The following CDK6 variants were observed in gnomAD, a reference collection of about 807,000 sequenced individuals.
The protein encoded by CDK6 is cyclin dependent kinase 6, also known as cyclin-dependent kinase 6.
Under a neutral mutation model 37.1 loss-of-function variants are expected in CDK6, and 6 were observed. The observed-to-expected ratio is 0.16, with a 90% CI of 0.09 to 0.32. CDK6 has a LOEUF of 0.32. Among genes scored for constraint, CDK6 ranks in the 10% least tolerant of loss-of-function variants. The pLI, the probability that CDK6 is intolerant of heterozygous loss-of-function variation, is 1.00. For missense variants in CDK6, 224 were observed against 418.9 expected, an observed-to-expected ratio of 0.53 and a Z score of 4.06; for synonymous variants, 160 against 161.3, an observed-to-expected ratio of 0.99 and a Z score of 0.06.
intron 4 of CDK6, among the ~76,000 whole-genome samples, chr7:92,712,524 A>G (rs1272203486): frequency 6.6e-6 from 1 of 152,240 alleles, no homozygotes; most frequent in Non-Finnish European, 1.5e-5. Context: ...TGTACTGTGC[A>G]TATAGTAGCA....
At chr7:92,777,670 C>T (rs1799885062) in intron 2 of CDK6, among the ~76,000 whole-genome samples, 1 of 152,148 alleles carries the variant, frequency 6.6e-6, no homozygotes, top group Admixed American at 6.5e-5. Flanking sequence ...TAGCATGATG[C>T]CTCCAGCTTT....
chr7:92,798,205 A>C (rs1562968160), intron 2 of CDK6, among the ~76,000 whole-genome samples: 1 of 152,226 alleles, frequency 6.6e-6, no homozygotes, highest in Non-Finnish European at 1.5e-5. Context: ...CAGAAAAAAA[A>C]CAGTGCCAAA....
chr7:92,674,861 T>C (rs754631750), intron 4 of CDK6, among the ~76,000 whole-genome samples: 2 of 152,250 alleles, frequency 1.3e-5, no homozygotes, highest in African/African-American at 2.4e-5. Flanking sequence ...AGACAGGGTC[T>C]TGCTCTGTTG....
chr7:92,668,168 T>C (rs985845466), intron 5 of CDK6, among the ~76,000 whole-genome samples: 22 of 152,232 alleles, frequency 1.4e-4, no homozygotes, highest in Admixed American at 1.3e-4. Flanking sequence ...TACCATTGTG[T>C]TACAATTGCC....
At chr7:92,800,396 C>A (rs569729328) in intron 2 of CDK6, among the ~76,000 whole-genome samples, 1 of 152,298 alleles carries the variant, frequency 6.6e-6, no homozygotes, top group East Asian at 1.9e-4. Context: ...CATCGTTCTT[C>A]TCTTGTTTGG....
At chr7:92,724,366 C>T (rs927881871) in intron 4 of CDK6, among the ~76,000 whole-genome samples, 2 of 152,012 alleles carry the variant, frequency 1.3e-5, no homozygotes, top group African/African-American at 2.4e-5. Context: ...CTAACAATGG[C>T]AACATTTTCC....
chr7:92,651,960 A>G (rs1796584417), intron 5 of CDK6, among the ~76,000 whole-genome samples: 1 of 152,300 alleles, frequency 6.6e-6, no homozygotes, highest in East Asian at 1.9e-4. Context: ...TATTTATAAC[A>G]CTGAATATTG....
chr7:92,829,294 T>C (rs974502974), intron 2 of CDK6, among the ~76,000 whole-genome samples: 5 of 152,210 alleles, frequency 3.3e-5, no homozygotes, highest in African/African-American at 1.2e-4. Context: ...ATTCTAATTA[T>C]AATATTTAAA....
At chr7:92,726,120 C>T (rs1019475623) in intron 3 of CDK6, among the ~76,000 whole-genome samples, 2 of 152,044 alleles carry the variant, frequency 1.3e-5, no homozygotes, top group South Asian at 2.1e-4. Context: ...AGGAGGAGGT[C>T]GTGAGGGGAC....
intron 5 of CDK6, among the ~76,000 whole-genome samples, chr7:92,665,279 C>T (rs1020589224): frequency 1.9e-4 from 27 of 143,786 alleles, no homozygotes; most frequent in African/African-American, 7.1e-4. Context: ...ATCCATCCAT[C>T]CATCCATCCA....
intron 2 of CDK6, among the ~76,000 whole-genome samples, chr7:92,811,948 C>T (rs1040652999): frequency 3.3e-5 from 5 of 152,050 alleles, no homozygotes; most frequent in African/African-American, 9.7e-5. Flanking sequence ...GTCAGGAGTT[C>T]GAGATCAGCC....
chr7:92,778,946 T>TATATATATATATAAAA (rs1479181745), intron 2 of CDK6, among the ~76,000 whole-genome samples: 15 of 135,004 alleles, frequency 1.1e-4, no homozygotes, highest in African/African-American at 4.2e-4. Context: ...TATATATATA[T>TATATATATATATAAAA]AAGATATTAT....
intron 2 of CDK6, among the ~76,000 whole-genome samples, chr7:92,820,824 C>T (rs1382229440): frequency 6.6e-6 from 1 of 151,956 alleles, no homozygotes; most frequent in Non-Finnish European, 1.5e-5. Context: ...TAAACAGAAG[C>T]ACCAAAAACA....
intron 4 of CDK6, among the ~76,000 whole-genome samples, chr7:92,700,374 G>C (rs112062074): frequency 6.6e-6 from 1 of 152,342 alleles, no homozygotes; most frequent in African/African-American, 2.4e-5. Flanking sequence ...CAATGATCCA[G>C]ATGCTCTGGG....
chr7:92,650,840 T>C (rs1473752671), intron 5 of CDK6, among the ~76,000 whole-genome samples: 1 of 152,158 alleles, frequency 6.6e-6, no homozygotes, highest in Non-Finnish European at 1.5e-5. Context: ...ATCCTTCTCA[T>C]ACTTGGAGTC....
intron 2 of CDK6, among the ~76,000 whole-genome samples, chr7:92,783,434 T>C (rs1309682194): frequency 3.9e-5 from 6 of 152,248 alleles, no homozygotes; most frequent in Admixed American, 3.3e-4. Context: ...GTTAAGTTTA[T>C]GGCTGCTATT....
rs893029141 is a variant in CDK6, at chr7:92,611,783, G to A, written c.*3357C>T. On this transcript the variant is annotated 3_prime_UTR_variant, in exon 8 of 8. Transcript: ENST00000424848. The stretch of plus-strand genomic sequence containing the variant: ...AGCTTTCATTTTTATTTAACACAAT[G>A]CTGAGATTCTATTCTTAGGTGAATA... 3 of 230,612 alleles carry A rather than the reference G, an allele frequency of 1.3e-5. No homozygotes were observed. Among genetic ancestry groups the A allele is most frequent in the South Asian group, 1.8e-4 (1 of 5,516 alleles). The allele number at this position is 230,612 out of a possible 1,614,324, so 14.3% of individuals were successfully genotyped here.
chr7:92,823,154 T>C (rs1204537694), intron 2 of CDK6, among the ~76,000 whole-genome samples: 1 of 151,398 alleles, frequency 6.6e-6, no homozygotes, highest in African/African-American at 2.4e-5. Flanking sequence ...TTCTCTTGAC[T>C]CATCTCAAAA....
At chr7:92,800,239 C>A (rs970488788) in intron 2 of CDK6, among the ~76,000 whole-genome samples, 1 of 152,122 alleles carries the variant, frequency 6.6e-6, no homozygotes, top group Non-Finnish European at 1.5e-5. Flanking sequence ...GCCGCTTTAC[C>A]CTCTGCTATG....
Sources: allele counts gnomAD v4.1 joint callset (sites outside exome capture counted in the v4.1 genomes callset), GRCh38; gene constraint gnomAD v4.1.1; transcripts MANE v1.5; gene names NCBI Gene and HGNC (gene_info 2026-07-23, HGNC 2026-07-21).